The following PZP variants were observed in gnomAD, a reference collection of about 807,000 sequenced individuals.
PZP encodes pregnancy zone protein.
A neutral mutation model predicts 179.8 loss-of-function variants in PZP; 150 were observed. The observed-to-expected ratio is 0.83, with a 90% CI of 0.73 to 0.96. PZP has a LOEUF of 0.96. Among genes scored for constraint, PZP ranks in the 40% least tolerant of loss-of-function variants. PZP has a pLI of 0.00. For missense variants in PZP, 1,689 were observed against 1,764.0 expected (o/e 0.96, Z 0.76); for synonymous variants, 624 against 652.3 (o/e 0.96, Z 0.66).
At chr12:9,140,002 G>A in the PZP span, among the ~76,000 whole-genome samples, 38,417 of 152,036 alleles carry the variant, frequency 0.25, 5,594 homozygotes, top group Admixed American at 0.33. Context: ...TTATCTTGGG[G>A]CTGCATCTCT....
At chr12:9,157,917 G>A (rs961027619) in intron 26 of PZP, 76 bp from the exon 27 acceptor site, 9 of 1,172,254 alleles carry the variant, frequency 7.7e-6, no homozygotes, top group African/African-American at 4.6e-5. Flanking sequence ...TGATGGAAAC[G>A]CTCCTCAGTA....
At chr12:9,172,516 C>G (rs985950356) in intron 15 of PZP, among the ~76,000 whole-genome samples, 1 of 152,102 alleles carries the variant, frequency 6.6e-6, no homozygotes, top group Non-Finnish European at 1.5e-5. Context: ...GCTAAATGCT[C>G]TAGTTAAAAG....
At chr12:9,185,678 G>C (rs991832881) in intron 13 of PZP, among the ~76,000 whole-genome samples, 1 of 151,708 alleles carries the variant, frequency 6.6e-6, no homozygotes, top group Non-Finnish European at 1.5e-5. Context: ...AAATGTTAAA[G>C]GTAGCTAGAG....
In PZP at chr12:9,163,784, C is replaced by G; in HGVS notation, c.2620G>C (p.Val874Leu). 1 of 1,611,664 alleles carries G rather than the reference C, an allele frequency of 6.2e-7. No homozygotes were observed. Among genetic ancestry groups the G allele is most frequent in the Non-Finnish European group, 8.5e-7 (1 of 1,179,276 alleles). The change falls in exon 21 of 36, where the codon GTG becomes CTG. Residue 874 changes from valine to leucine, a missense_variant. By Grantham distance (32) the Val-to-Leu change is conservative. Coordinates refer to ENST00000261336, the MANE Select transcript of PZP (RefSeq NM_002864.3). ...WTVTPKTLGNVNFSVSAEAMQ... is the reference protein window; with the variant it reads ...WTVTPKTLGNLNFSVSAEAMQ... ...GCCTCTGCACTCACTGAGAAGTTCA[C>G]ATTCCCTAAAACAAGGAATATTGAA...
chr12:9,193,075 G>A (rs765255955), intron 11 of PZP, among the ~76,000 whole-genome samples: 2 of 152,178 alleles, frequency 1.3e-5, no homozygotes, highest in Non-Finnish European at 2.9e-5. Flanking sequence ...ATTACCTCAT[G>A]AATTGGCTTA....
intron 29 of PZP, among the ~76,000 whole-genome samples, chr12:9,154,299 T>A (rs1184804190): frequency 6.6e-6 from 1 of 152,194 alleles, no homozygotes; most frequent in African/African-American, 2.4e-5. Flanking sequence ...ACAACGATGA[T>A]GTGGCTCGAA....
At chr12:9,143,212 G>T in the PZP span, among the ~76,000 whole-genome samples, 3 of 152,238 alleles carry the variant, frequency 2.0e-5, no homozygotes, top group Non-Finnish European at 4.4e-5. Flanking sequence ...TTCAGAGAAA[G>T]ATCCAAGGTG....
chr12:9,181,160 A>G (rs768605460), intron 14 of PZP, 28 bp from the exon 15 acceptor site: 1 of 1,613,698 alleles, frequency 6.2e-7, no homozygotes, highest in Non-Finnish European at 8.5e-7. Context: ...AACGTCAACC[A>G]GTGTTTTCCC....
chr12:9,158,884 G>A (rs1331025004), intron 25 of PZP, among the ~76,000 whole-genome samples: 6 of 150,652 alleles, frequency 4.0e-5, no homozygotes, highest in Non-Finnish European at 8.8e-5. Flanking sequence ...GGTTAACTAA[G>A]TCATTTGCTT....
At chr12:9,199,971 T>G (rs1944058054) in intron 7 of PZP, among the ~76,000 whole-genome samples, 1 of 152,208 alleles carries the variant, frequency 6.6e-6, no homozygotes, top group African/African-American at 2.4e-5. Flanking sequence ...TGAAGATACT[T>G]GACTGTAAAC....
chr12:9,181,010 C>T lies in PZP; in HGVS notation c.1812G>A (p.Lys604=). Residue 604 remains lysine (K), a synonymous_variant, in exon 15 of 36, where the codon AAG becomes AAA. Coordinates refer to ENST00000261336, the MANE Select transcript of PZP (RefSeq NM_002864.3). ...RAVDQSVLLM[K]PEAELSVSSV... The stretch of plus-strand genomic sequence containing the variant: ...AGGACACAGAGAGCTCAGCCTCAGG[C>T]TTCATGAGCAGCACACTTTGGTCCA... 1.2e-6 allele frequency: 2 copies of T among 1,613,998 alleles called. No homozygotes were observed. The highest frequency in any genetic ancestry group is 1.7e-6 in the Non-Finnish European group (2 of 1,179,926).
intron 2 of PZP, 137 bp from the exon 3 acceptor site, chr12:9,202,821 G>T: frequency 1.2e-6 from 1 of 810,082 alleles, no homozygotes; most frequent in East Asian, 2.6e-5. Context: ...TCAGACATAA[G>T]AGTGACGATA....
downstream of PZP, among the ~76,000 whole-genome samples, chr12:9,148,632 A>G (rs190325320): frequency 3.2e-4 from 48 of 152,228 alleles, no homozygotes; most frequent in Admixed American, 3.1e-3. Flanking sequence ...CCACGTTTAT[A>G]TTATCTATCA....
Position 9,151,604 on chromosome 12 carries a change from C to T in PZP, c.4281G>A (p.Gln1427=). 1.9e-6 allele frequency: 3 copies of T among 1,613,364 alleles called. No homozygotes were observed. The highest frequency in any genetic ancestry group is 1.7e-6 in the Non-Finnish European group (2 of 1,179,448). The part of the protein sequence containing the change: ...SNNHVLIYVE[Q]VTNQTLSFSF... ...TCAGCCAGGATGTCAGAGCCCTCAC[C>T]TGTTCCACATAAATGAGGACATGGT... Residue 1427 remains glutamine, a splice_region_variant and synonymous_variant, in exon 33 of 36, where the codon CAG becomes CAA. Coordinates refer to ENST00000261336, the MANE Select transcript of PZP (RefSeq NM_002864.3).
chr12:9,185,953 G>A (rs746339256), intron 13 of PZP, among the ~76,000 whole-genome samples: 21 of 151,644 alleles, frequency 1.4e-4, no homozygotes, highest in Admixed American at 3.3e-4. Flanking sequence ...GACTACAGGC[G>A]TGCACCATCA....
intron 17 of PZP, among the ~76,000 whole-genome samples, chr12:9,168,000 C>T (rs767464100): frequency 6.6e-6 from 1 of 152,092 alleles, no homozygotes; most frequent in African/African-American, 2.4e-5. Context: ...AGTCCATGGC[C>T]CTTTAAAAGG....
intron 15 of PZP, among the ~76,000 whole-genome samples, chr12:9,175,294 C>T (rs1942289233): frequency 6.6e-6 from 1 of 152,220 alleles, no homozygotes; most frequent in Admixed American, 6.5e-5. Flanking sequence ...TTCCTTTCAC[C>T]ATATACAAAA....
chr12:9,158,470 C>T lies in PZP; in HGVS notation c.3244G>A (p.Asp1082Asn). Residue 1082 changes from aspartate to asparagine, a missense_variant, in exon 26 of 36, where the codon GAC (aspartate) becomes AAC (asparagine). Asp to Asn is a conservative substitution (Grantham distance 23, BLOSUM62 1). This residue lies in a region of PZP where 746 missense variants were observed against 749.2 expected (regional missense o/e 1.00). Transcript: ENST00000261336. ...CCAGAGCTCCTGAAACAGCCATTGT[C>T]CTTCTGCATCTGGGAGAGCCACGTG... is the stretch of plus-strand genomic sequence containing the variant. ...SLTWLSQMQKDNGCFRSSGSL... is the reference protein window; with the variant it reads ...SLTWLSQMQKNNGCFRSSGSL... 6.2e-7 allele frequency: 1 copy of T among 1,614,132 alleles called. No homozygotes were observed. Among genetic ancestry groups the T allele is most frequent in the Non-Finnish European group, 8.5e-7 (1 of 1,180,020 alleles).
chr12:9,184,134 CAT>C (rs1491275647), intron 13 of PZP, among the ~76,000 whole-genome samples: 3 of 152,226 alleles, frequency 2.0e-5, no homozygotes, highest in Non-Finnish European at 4.4e-5. Flanking sequence ...TTTGCCAACA[CAT>C]GTGTGTGTGT....
Sources: gnomAD v4.1 joint callset for allele counts (sites outside exome capture counted in the v4.1 genomes callset) on GRCh38, gnomAD v4.1.1 for gene constraint, gnomAD v4.1.1 regional missense constraint, MANE v1.5 for transcripts, NCBI Gene and HGNC (gene_info 2026-07-23, HGNC 2026-07-21) for gene names.